Variants in ANKRD50 observed in about 807,000 individuals in gnomAD.
ANKRD50 encodes ankyrin repeat domain 50.
Under a neutral mutation model 112.0 loss-of-function variants are expected in ANKRD50, and 40 were observed. That is an observed-to-expected ratio of 0.36 (90% CI 0.28 to 0.46). The LOEUF is 0.46. Among genes scored for constraint, ANKRD50 ranks in the 20% least tolerant of loss-of-function variants. The pLI, the probability that ANKRD50 is intolerant of heterozygous loss-of-function variation, is 1.00. For missense variants in ANKRD50, 1,487 were observed against 1,701.7 expected (o/e 0.87, Z 2.22); for synonymous variants, 613 against 619.1 (o/e 0.99, Z 0.15).
At chr4:124,696,317 A>G (rs953740026) in intron 2 of ANKRD50, among the ~76,000 whole-genome samples, 2 of 152,108 alleles carry the variant, frequency 1.3e-5, no homozygotes, top group African/African-American at 2.4e-5. Context: ...AGTTGATAGA[A>G]AATACCCAAA....
At chr4:124,691,230 C>G (rs138075715) in intron 2 of ANKRD50, among the ~76,000 whole-genome samples, 95 of 152,224 alleles carry the variant, frequency 6.2e-4, no homozygotes, top group African/African-American at 2.2e-3. Flanking sequence ...TGGTGGCTCA[C>G]GCCTGTAATC....
rs147124891 is a variant in ANKRD50, at chr4:124,672,495, T to C, written c.782A>G (p.Tyr261Cys). 86 of 1,604,202 alleles carry C rather than the reference T, an allele frequency of 5.4e-5. No homozygotes were observed. Among genetic ancestry groups the C allele is most frequent in the Non-Finnish European group, 6.6e-5 (78 of 1,176,952 alleles). ...GTACTGCTGAACATCCTTGACGATA[T>C]ATGCCTTCCGAAGGTCATCTAAACT... ...KISLDDLRKA[Y>C]IVKDVQQYIL... is the part of the protein sequence containing the mutation. The change falls in exon 4 of 5, where the codon TAT (tyrosine) becomes TGT (cysteine). Residue 261 changes from tyrosine (Y) to cysteine (C), a missense_variant. By Grantham distance (194) the Tyr-to-Cys change is radical (BLOSUM62 -2). Transcript: ENST00000504087.
chr4:124,697,751 G>A (rs929576681), intron 2 of ANKRD50, among the ~76,000 whole-genome samples: 8 of 152,156 alleles, frequency 5.3e-5, no homozygotes, highest in African/African-American at 1.9e-4. Context: ...ACTAATACGG[G>A]TGGTGAGAGA....
intron 2 of ANKRD50, among the ~76,000 whole-genome samples, chr4:124,700,910 A>G (rs1725374774): frequency 6.6e-6 from 1 of 152,154 alleles, no homozygotes; most frequent in African/African-American, 2.4e-5. Context: ...CTGTTAATCC[A>G]CTGGCCAAAG....
chr4:124,707,381 T>C (rs1374158208), intron 2 of ANKRD50, among the ~76,000 whole-genome samples: 1 of 152,106 alleles, frequency 6.6e-6, no homozygotes, highest in Non-Finnish European at 1.5e-5. Context: ...AATCTTGAAT[T>C]ATTTGTCCAA....
intron 2 of ANKRD50, among the ~76,000 whole-genome samples, chr4:124,681,949 AT>A (rs1724899167): frequency 1.3e-5 from 2 of 152,222 alleles, no homozygotes; most frequent in Non-Finnish European, 2.9e-5. Context: ...TCACAGTTTA[AT>A]AGAATTGTAT....
At chr4:124,667,659 T>C (rs1356481313) in intron 4 of ANKRD50, 145 bp from the exon 5 acceptor site, 2 of 152,054 alleles carry the variant, frequency 1.3e-5, no homozygotes, top group Non-Finnish European at 2.9e-5. Flanking sequence ...TTAACTATTA[T>C]TTAACTTATA....
intron 2 of ANKRD50, among the ~76,000 whole-genome samples, chr4:124,708,388 T>C (rs761441419): frequency 2.0e-5 from 3 of 152,074 alleles, no homozygotes; most frequent in Non-Finnish European, 2.9e-5. Flanking sequence ...CAAAAGATAA[T>C]AGATTTGCCT....
Position 124,672,126 on chromosome 4 carries a change from T to C in ANKRD50, c.1151A>G (p.Asp384Gly), listed in dbSNP as rs995997323. 5.0e-6 allele frequency: 8 copies of C among 1,613,754 alleles called. No individual in the cohort carries two copies. The highest frequency in any genetic ancestry group is 2.7e-5 in the African/African-American group (2 of 74,890). ...WTKNMSLTLE[D>G]FQRKLDILSK... Reference sequence around the variant, plus strand: ...GAGGATATCTAACTTGCGTTGAAAATCTTCCAAAGTTAACGACATGTTTTT... The same window carrying C: ...GAGGATATCTAACTTGCGTTGAAAACCTTCCAAAGTTAACGACATGTTTTT... Residue 384 changes from aspartate to glycine, a missense_variant, in exon 4 of 5, where the codon GAT (aspartate) becomes GGT (glycine). Around this residue, in one of 2 missense-constraint regions of ANKRD50, gnomAD observed 1,046 missense variants for 1,269.5 expected, o/e 0.82. Coordinates refer to ENST00000504087, the MANE Select transcript of ANKRD50 (RefSeq NM_020337.3).
intron 2 of ANKRD50, among the ~76,000 whole-genome samples, chr4:124,708,259 C>T (rs1340803452): frequency 1.3e-5 from 2 of 151,992 alleles, no homozygotes; most frequent in Admixed American, 6.6e-5. Context: ...ACAGTGATTC[C>T]ATATTGAACA....
rs1156500269 is a variant in ANKRD50, at chr4:124,678,825, C to T, written c.593G>A (p.Cys198Tyr). The T allele has an allele frequency of 1.2e-6, 2 of 1,613,754 alleles. No individual in the cohort carries two copies. Among genetic ancestry groups the T allele is most frequent in the Non-Finnish European group, 1.7e-6 (2 of 1,179,824 alleles). ...CGTTTGTTCACCTTCAGTAATGTTA[C>T]ACCCTTCATCAACAGAATCAACAAG... The part of the protein sequence containing the change: ...YLLVDSVDEG[C>Y]NITEGEQTST... The change falls in exon 3 of 5, where the codon TGT (cysteine) becomes TAT (tyrosine). Residue 198 changes from cysteine to tyrosine, a missense_variant. Cys to Tyr is a radical substitution (Grantham distance 194). Around this residue, in one of 2 missense-constraint regions of ANKRD50, gnomAD observed 1,046 missense variants for 1,269.5 expected, o/e 0.82. Coordinates refer to ENST00000504087, the MANE Select transcript of ANKRD50 (RefSeq NM_020337.3).
chr4:124,712,702 C>G lies in ANKRD50; in HGVS notation c.-1008G>C, dbSNP rs559680496. On this transcript the variant is annotated 5_prime_UTR_variant, in exon 1 of 5. Coordinates refer to ENST00000504087, the MANE Select transcript of ANKRD50 (RefSeq NM_020337.3). ...CTCGCCCCAGCCCCCACCGGCCAAC[C>G]GCCGCCGCCGCCGCCGTCAGGGCAG... The G allele has an allele frequency of 6.4e-6, 1 of 156,054 alleles. No individual in the cohort carries two copies. The highest frequency in any genetic ancestry group is 2.5e-5 in the African/African-American group (1 of 40,490). 9.7% of individuals were successfully genotyped at this position (156,054 alleles called of 1,614,324 possible).
At position 124,672,421 on chromosome 4, in the gene ANKRD50, T is replaced by C. The variant is rs1403682780; in HGVS notation, c.856A>G (p.Lys286Glu). ...TGATTTAACATCTCTGCAGTTTCTTTTGTGAGGTGTTGTCGCAAAGCTTCT... is the reference window on the plus strand; with the variant it reads ...TGATTTAACATCTCTGCAGTTTCTTCTGTGAGGTGTTGTCGCAAAGCTTCT... Reference protein sequence around the residue: ...QEEALRQHLTKETAEMLNQLH... With the variant: ...QEEALRQHLTEETAEMLNQLH... The change falls in exon 4 of 5, where the codon AAA becomes GAA. Residue 286 changes from lysine to glutamate, a missense_variant. By Grantham distance (56) the Lys-to-Glu change is moderately conservative. This residue lies in a region of ANKRD50 where 1,046 missense variants were observed against 1,269.5 expected (regional missense o/e 0.82). Coordinates refer to ENST00000504087, the MANE Select transcript of ANKRD50 (RefSeq NM_020337.3). The C allele has an allele frequency of 3.7e-6, 6 of 1,613,110 alleles. No individual in the cohort carries two copies. The highest frequency in any genetic ancestry group is 5.1e-6 in the Non-Finnish European group (6 of 1,179,588).
chr4:124,680,023 T>G (rs908740512), intron 2 of ANKRD50, among the ~76,000 whole-genome samples: 1 of 152,230 alleles, frequency 6.6e-6, no homozygotes, highest in African/African-American at 2.4e-5. Flanking sequence ...CTGCCTGGCA[T>G]GCACTTCCCG....
At chr4:124,706,182 A>T (rs1374270956) in intron 2 of ANKRD50, among the ~76,000 whole-genome samples, 3 of 152,058 alleles carry the variant, frequency 2.0e-5, no homozygotes, top group Non-Finnish European at 4.4e-5. Context: ...CTATTCCCTG[A>T]TTTATCTCCA....
chr4:124,679,955 T>C (rs929031109), intron 2 of ANKRD50, among the ~76,000 whole-genome samples: 3 of 152,172 alleles, frequency 2.0e-5, no homozygotes, highest in Non-Finnish European at 4.4e-5. Flanking sequence ...AGACTAGCCT[T>C]CTTTCAATGA....
chr4:124,685,607 T>G (rs1226711833), intron 2 of ANKRD50, among the ~76,000 whole-genome samples: 1 of 152,134 alleles, frequency 6.6e-6, no homozygotes, highest in East Asian at 1.9e-4. Context: ...GATAATGTAA[T>G]GACAGTCGGT....
chr4:124,682,518 T>A (rs1009127194), intron 2 of ANKRD50, among the ~76,000 whole-genome samples: 1 of 152,088 alleles, frequency 6.6e-6, no homozygotes, highest in African/African-American at 2.4e-5. Flanking sequence ...AGTGTCTACT[T>A]CTTAAAATAG....
rs1309688034 is a variant in ANKRD50 at position 124,665,924 on chromosome 4, G to C, written c.*1594C>G. Reference sequence around the variant, plus strand: ...TATTTCCACGAACAATGTATCACATGTGTCCTTCATATATGAAGATGACAT... The same window carrying C: ...TATTTCCACGAACAATGTATCACATCTGTCCTTCATATATGAAGATGACAT... On this transcript the variant is annotated 3_prime_UTR_variant, in exon 5 of 5. Coordinates refer to ENST00000504087, the MANE Select transcript of ANKRD50 (RefSeq NM_020337.3). 6.6e-6 allele frequency: 1 copy of C among 152,036 alleles called. No homozygotes were observed. Among genetic ancestry groups the C allele is most frequent in the Non-Finnish European group, 1.5e-5 (1 of 67,888 alleles). 9.4% of individuals were successfully genotyped at this position (152,036 alleles called of 1,614,324 possible). A position where few individuals can be genotyped will look rare whatever the true frequency, so the allele number is the denominator to read the frequency against.
Sources: allele counts gnomAD v4.1 joint callset (sites outside exome capture counted in the v4.1 genomes callset), GRCh38; gene constraint gnomAD v4.1.1; regional missense constraint gnomAD v4.1.1; transcripts MANE v1.5; gene names NCBI Gene and HGNC (gene_info 2026-07-23, HGNC 2026-07-21).